DACH2: variants seen among roughly 807,000 people sequenced by gnomAD.
The protein encoded by DACH2 is dachshund family transcription factor 2.
A neutral mutation model predicts 35.8 loss-of-function variants in DACH2; 17 were observed. That is an observed-to-expected ratio of 0.48 (90% confidence interval 0.33 to 0.71). DACH2 has a LOEUF of 0.71. Ranked by LOEUF, DACH2 falls within the 30% of genes least tolerant of loss-of-function variation. The probability of loss-of-function intolerance (pLI) is 0.02; values close to 1 mark genes in which losing one functional copy is unlikely to be tolerated. For synonymous variants in DACH2, 195 were observed against 177.3 expected, an observed-to-expected ratio of 1.10 and a Z score of -0.79; for missense variants, 469 against 472.7, an observed-to-expected ratio of 0.99 and a Z score of 0.07.
At chrX:86,790,376 G>A (rs1376646190) in intron 7 of DACH2, among the ~76,000 whole-genome samples, 1 of 111,735 alleles carries the variant, frequency 8.9e-6, no homozygotes, top group Admixed American at 9.5e-5. Context: ...TAAAGAACAA[G>A]TACACAAGAG....
intron 1 of DACH2, among the ~76,000 whole-genome samples, chrX:86,285,772 T>C (rs1461082686): frequency 8.9e-6 from 1 of 111,815 alleles, no homozygotes; most frequent in Non-Finnish European, 1.9e-5. Flanking sequence ...GGTATTGAAG[T>C]CTCCAATTAT....
intron 3 of DACH2, among the ~76,000 whole-genome samples, chrX:86,586,386 T>C (rs779706694): frequency 6.3e-4 from 71 of 111,930 alleles, no homozygotes; most frequent in African/African-American, 2.2e-3. Context: ...CGTTGGTAGT[T>C]TCTTTTGCTA....
intron 3 of DACH2, among the ~76,000 whole-genome samples, chrX:86,565,520 A>G (rs1451441914): frequency 9.0e-6 from 1 of 111,628 alleles, no homozygotes; most frequent in East Asian, 2.8e-4. Flanking sequence ...ATTCTAATGG[A>G]TAGTAAACTT....
chrX:86,409,871 C>A (rs1407600382), intron 2 of DACH2, among the ~76,000 whole-genome samples: 1 of 111,982 alleles, frequency 8.9e-6, no homozygotes, highest in Non-Finnish European at 1.9e-5. Flanking sequence ...ACTGAAGAAC[C>A]TAAATAAAAG....
chrX:86,438,618 G>A (rs758785743), intron 2 of DACH2, among the ~76,000 whole-genome samples: 1 of 112,279 alleles, frequency 8.9e-6, no homozygotes, highest in Admixed American at 9.4e-5. Context: ...CATTTAGGTT[G>A]ATTCCATGTA....
chrX:86,292,391 A>G (rs1163334489), intron 1 of DACH2, among the ~76,000 whole-genome samples: 7 of 97,256 alleles, frequency 7.2e-5, no homozygotes, highest in African/African-American at 1.6e-4. Flanking sequence ...TGGATTCATT[A>G]ATTTTTTGAA....
chrX:86,330,186 A>G (rs2035186903), intron 1 of DACH2, among the ~76,000 whole-genome samples: 1 of 112,058 alleles, frequency 8.9e-6, no homozygotes, highest in Non-Finnish European at 1.9e-5. Context: ...AGGAATTGAC[A>G]CAGAAGAGTG....
intron 7 of DACH2, among the ~76,000 whole-genome samples, chrX:86,811,174 T>A (rs1158898592): frequency 8.9e-6 from 1 of 111,987 alleles, no homozygotes; most frequent in African/African-American, 3.2e-5. Flanking sequence ...AGCATTTTTT[T>A]AAATTGCTAT....
At chrX:86,669,982 C>T (rs2040745887) in intron 4 of DACH2, among the ~76,000 whole-genome samples, 1 of 110,763 alleles carries the variant, frequency 9.0e-6, no homozygotes, top group Admixed American at 9.6e-5. Flanking sequence ...ACAGCTATTA[C>T]AATCAATTTA....
At chrX:86,693,217 C>T (rs1447491476) in intron 4 of DACH2, among the ~76,000 whole-genome samples, 1 of 112,051 alleles carries the variant, frequency 8.9e-6, no homozygotes, top group Non-Finnish European at 1.9e-5. Flanking sequence ...CAAATTCAAC[C>T]AAATTTCCTA....
intron 1 of DACH2, among the ~76,000 whole-genome samples, chrX:86,247,063 AGAT>A (rs1234326861): frequency 3.6e-5 from 4 of 111,937 alleles, no homozygotes; most frequent in African/African-American, 6.5e-5. Context: ...AAACCAATGA[AGAT>A]GAAAAAGACA....
At chrX:86,298,038 C>T (rs928446936) in intron 1 of DACH2, among the ~76,000 whole-genome samples, 2 of 111,847 alleles carry the variant, frequency 1.8e-5, no homozygotes, top group African/African-American at 6.5e-5. Flanking sequence ...ATTGAAGTGA[C>T]ATTTGTATAA....
chrX:86,336,544 A>G (rs1602417042), intron 1 of DACH2, among the ~76,000 whole-genome samples: 2 of 111,868 alleles, frequency 1.8e-5, no homozygotes, highest in African/African-American at 6.5e-5. Flanking sequence ...AAGGAAGAGC[A>G]TATCCACTCA....
rs886086019 is a variant in DACH2 at position 86,632,901 on chromosome X, G to A, written c.641-18135G>A. Among the ~76,000 whole-genome samples, 36 of 109,936 alleles carry A rather than the reference G, an allele frequency of 3.3e-4. 1 individual carries two copies. The highest frequency in any genetic ancestry group is 4.4e-4 in the Non-Finnish European group (23 of 52,651). ...AAAACTTTTCTAAAACAAAAATGAA[G>A]ATGCAATATACTAAAACCTATAGGA... is the stretch of plus-strand genomic sequence containing the variant. On this transcript the variant is annotated intron_variant, in intron 3 of 11. Coordinates refer to ENST00000373125, the MANE Select transcript of DACH2 (RefSeq NM_053281.3).
Position 86,464,966 on chromosome X carries a change from G to A in DACH2, c.528-49313G>A, listed in dbSNP as rs61106917. 1.9e-4 allele frequency among the ~76,000 whole-genome samples: 21 copies of A among 111,766 alleles called. No homozygotes were observed. In the South Asian group the frequency reaches 2.9e-3, roughly 16 times the overall value. ...TAAATAATGTTAGAATTTAGTTTGC[G>A]GTTTCTCTCTGTAATAAAGTATATG... On this transcript the variant is annotated intron_variant, in intron 2 of 11. Transcript: ENST00000373125.
chrX:86,493,673 G>A (rs1021557893), intron 2 of DACH2, among the ~76,000 whole-genome samples: 1 of 111,466 alleles, frequency 9.0e-6, no homozygotes, highest in African/African-American at 3.3e-5. Context: ...TTACAGATTA[G>A]GAATATGATT....
intron 1 of DACH2, among the ~76,000 whole-genome samples, chrX:86,261,303 C>T (rs753577580): frequency 5.4e-5 from 6 of 111,790 alleles, no homozygotes; most frequent in Admixed American, 1.9e-4. Context: ...ACATGACATG[C>T]GTTGGATCCC....
chrX:86,636,239 G>C (rs1450831811), intron 3 of DACH2, among the ~76,000 whole-genome samples: 2 of 110,903 alleles, frequency 1.8e-5, no homozygotes, highest in African/African-American at 6.6e-5. Context: ...CTGAGGTCAG[G>C]AGTTCGAGAC....
At chrX:86,194,932 C>T (rs758122584) in intron 1 of DACH2, among the ~76,000 whole-genome samples, 6 of 112,466 alleles carry the variant, frequency 5.3e-5, no homozygotes, top group Non-Finnish European at 7.5e-5. Context: ...CCATCCTGGC[C>T]GTGCCTGCTA....
Sources: allele counts gnomAD v4.1 joint callset (sites outside exome capture counted in the v4.1 genomes callset), GRCh38; gene constraint gnomAD v4.1.1; transcripts MANE v1.5; gene names NCBI Gene and HGNC (gene_info 2026-07-23, HGNC 2026-07-21).